SULF1: variants seen among roughly 807,000 people sequenced by gnomAD.
SULF1 encodes the protein extracellular sulfatase Sulf-1.
Under a neutral mutation model 110.5 loss-of-function variants are expected in SULF1, and 46 were observed. The ratio of observed to expected loss-of-function variants is 0.42; its 90% CI spans 0.33 to 0.53. SULF1 has a LOEUF of 0.53. SULF1 is among the 20% of genes least tolerant of loss of function. The pLI, the probability that SULF1 is intolerant of heterozygous loss-of-function variation, is 0.12. For missense variants in SULF1, 941 were observed against 1,094.2 expected, an observed-to-expected ratio of 0.86 and a Z score of 1.98; for synonymous variants, 371 against 387.1, an observed-to-expected ratio of 0.96 and a Z score of 0.49.
At chr8:69,535,694 T>G (rs1813387049) in intron 3 of SULF1, among the ~76,000 whole-genome samples, 1 of 152,060 alleles carries the variant, frequency 6.6e-6, no homozygotes, top group African/African-American at 2.4e-5. Flanking sequence ...TTAGAAAATG[T>G]ATGCCACCTA....
At chr8:69,507,610 CAAAT>C (rs1245552130) in intron 3 of SULF1, among the ~76,000 whole-genome samples, 5 of 152,126 alleles carry the variant, frequency 3.3e-5, no homozygotes, top group African/African-American at 7.2e-5. Flanking sequence ...GGGCTTAAAA[CAAAT>C]AAGCCATTGG....
chr8:69,651,051 C>CTTTTTTTTTT lies in SULF1; in HGVS notation c.2586-7450_2586-7449insTTTTTTTTTT, dbSNP rs111556401. On this transcript the variant is annotated intron_variant, in intron 22 of 22. Coordinates refer to ENST00000402687, the MANE Select transcript of SULF1 (RefSeq NM_001128205.2). ...TCTATCAACATCTATTCTTTTTTTT[C>CTTTTTTTTTT]TTTTCTTTTTTTTTTTTTTTGAGAC... is the stretch of plus-strand genomic sequence containing the variant. Among the ~76,000 whole-genome samples the CTTTTTTTTTT allele has an allele frequency of 4.1e-4, 55 of 134,160 alleles. 1 individual carries two copies. The highest frequency in any genetic ancestry group is 7.1e-4 in the Non-Finnish European group (43 of 60,934). The allele number at this position is 134,160 out of a possible 152,430, so 88.0% of individuals were successfully genotyped here. A position where few individuals can be genotyped will look rare whatever the true frequency, so the allele number is the denominator to read the frequency against.
chr8:69,471,151 A>C (rs12676928), intron 1 of SULF1, among the ~76,000 whole-genome samples: 23,005 of 152,178 alleles, frequency 0.15, 2,303 homozygotes, highest in East Asian at 0.48. Context: ...TTATCTATGG[A>C]TTGCACTTAA....
intron 3 of SULF1, among the ~76,000 whole-genome samples, chr8:69,552,021 G>A (rs1814757833): frequency 6.6e-6 from 1 of 152,182 alleles, no homozygotes; most frequent in African/African-American, 2.4e-5. Context: ...GAACCCACAA[G>A]GTGGAGGTTG....
chr8:69,601,905 G>T, intron 10 of SULF1, 76 bp downstream of exon 10: 1 of 1,425,728 alleles, frequency 7.0e-7, no homozygotes, highest in Non-Finnish European at 9.4e-7. Context: ...ACCAGTCTCA[G>T]TATCTGGTTT....
rs367944551 is a variant in SULF1 at position 69,655,861 on chromosome 8, G to T, written c.2586-2644G>T. 3.3e-4 allele frequency among the ~76,000 whole-genome samples: 50 copies of T among 152,228 alleles called. No individual in the cohort carries two copies. In the South Asian group the frequency reaches 0.01, roughly 31 times the overall value. On this transcript the variant is annotated intron_variant, in intron 22 of 22. Coordinates refer to ENST00000402687, the MANE Select transcript of SULF1 (RefSeq NM_001128205.2). Reference sequence around the variant, plus strand: ...CATTTTTAGTTGCATTATTTCTAGCGTGTCCTATAAAATGCATATATTATT... The same window carrying T: ...CATTTTTAGTTGCATTATTTCTAGCTTGTCCTATAAAATGCATATATTATT...
intron 3 of SULF1, among the ~76,000 whole-genome samples, chr8:69,558,873 G>T (rs559335307): frequency 2.4e-4 from 37 of 151,952 alleles, no homozygotes; most frequent in South Asian, 6.2e-4. Flanking sequence ...TCAAATATTT[G>T]ATTCTTTTGA....
At position 69,576,161 on chromosome 8, in the gene SULF1, G is replaced by A; in HGVS notation, c.364G>A (p.Glu122Lys). ...TTCCCCCTCGTGGCAGGCCATGCATGAGCCTCGGACTTTTGCTGTATATCT... is the reference window on the plus strand; with the variant it reads ...TTCCCCCTCGTGGCAGGCCATGCATAAGCCTCGGACTTTTGCTGTATATCT... ...CSSPSWQAMH[E>K]PRTFAVYLNN... The change falls in exon 6 of 23, where the codon GAG becomes AAG. Residue 122 changes from glutamate to lysine, a missense_variant. Physicochemically the swap from Glu to Lys is moderately conservative, Grantham distance 56 (BLOSUM62 1). Around this residue, in one of 3 missense-constraint regions of SULF1, gnomAD observed 822 missense variants for 934.3 expected, o/e 0.88. Transcript: ENST00000402687. The A allele has an allele frequency of 6.2e-7, 1 of 1,614,198 alleles. No homozygotes were observed. The highest frequency in any genetic ancestry group is 8.5e-7 in the Non-Finnish European group (1 of 1,180,044).
rs1436348954 is a variant in SULF1, at chr8:69,616,228, ATATT to A, written c.1378-4805_1378-4802del. ...TGTGTGTGTATATATATATATATAT[ATATT>A]TTTTTGAGACGGAGTCTTGCTCTGT... is the stretch of plus-strand genomic sequence containing the variant. On this transcript the variant is annotated intron_variant, in intron 13 of 22. Coordinates refer to ENST00000402687, the MANE Select transcript of SULF1 (RefSeq NM_001128205.2). 8.6e-5 allele frequency among the ~76,000 whole-genome samples: 12 copies of A among 140,050 alleles called. No homozygotes were observed. In the South Asian group the frequency reaches 1.8e-3, roughly 21 times the overall value. The allele number at this position is 140,050 out of a possible 152,430, so 91.9% of individuals were successfully genotyped here.
At chr8:69,478,323 C>T (rs1809386560) in intron 1 of SULF1, among the ~76,000 whole-genome samples, 1 of 152,176 alleles carries the variant, frequency 6.6e-6, no homozygotes, top group Admixed American at 6.5e-5. Context: ...ACTGTTTCAT[C>T]ATATCACTCC....
chr8:69,485,132 C>T (rs1191149697), intron 1 of SULF1, among the ~76,000 whole-genome samples: 3 of 152,204 alleles, frequency 2.0e-5, no homozygotes, highest in Admixed American at 2.0e-4. Flanking sequence ...TTCTTCTAAC[C>T]CGTGCTTTCA....
At chr8:69,486,518 G>T (rs1011861672) in intron 1 of SULF1, among the ~76,000 whole-genome samples, 2 of 151,834 alleles carry the variant, frequency 1.3e-5, no homozygotes, top group African/African-American at 2.4e-5. Context: ...AATTTCCTAC[G>T]CTGGTAAAGT....
chr8:69,514,065 A>G (rs1811758053), intron 3 of SULF1, among the ~76,000 whole-genome samples: 2 of 152,168 alleles, frequency 1.3e-5, no homozygotes, highest in Admixed American at 1.3e-4. Flanking sequence ...TGTAACATGG[A>G]GGTGCTCACT....
intron 3 of SULF1, among the ~76,000 whole-genome samples, chr8:69,555,351 T>G (rs1219982877): frequency 6.6e-6 from 1 of 152,076 alleles, no homozygotes; most frequent in Non-Finnish European, 1.5e-5. Flanking sequence ...GCAGTGAACT[T>G]GATGGCATAG....
chr8:69,640,159 GAAAA>G (rs1192765920), intron 21 of SULF1, among the ~76,000 whole-genome samples: 1 of 94,318 alleles, frequency 1.1e-5, no homozygotes, highest in Non-Finnish European at 2.5e-5. Context: ...AAGAAAGAAA[GAAAA>G]AAAGAAAGAA....
chr8:69,536,847 C>A (rs186017140), intron 3 of SULF1, among the ~76,000 whole-genome samples: 2 of 152,210 alleles, frequency 1.3e-5, no homozygotes, highest in African/African-American at 4.8e-5. Flanking sequence ...GTGAGATCAT[C>A]GAAAGCCATG....
chr8:69,535,164 C>T (rs1030788605), intron 3 of SULF1, among the ~76,000 whole-genome samples: 1 of 152,218 alleles, frequency 6.6e-6, no homozygotes, highest in African/African-American at 2.4e-5. Context: ...TTCCCTATCT[C>T]GCTTGGCTTT....
At chr8:69,478,957 T>G (rs1349683773) in intron 1 of SULF1, among the ~76,000 whole-genome samples, 1 of 152,198 alleles carries the variant, frequency 6.6e-6, no homozygotes, top group Non-Finnish European at 1.5e-5. Flanking sequence ...TTTAGGAAAC[T>G]AATCAGCAGC....
intron 6 of SULF1, among the ~76,000 whole-genome samples, chr8:69,583,542 C>G (rs1375093061): frequency 6.6e-6 from 1 of 152,156 alleles, no homozygotes; most frequent in Non-Finnish European, 1.5e-5. Context: ...CCACTGTACT[C>G]TAGCCTGGGC....
Sources: gnomAD v4.1 joint callset for allele counts (sites outside exome capture counted in the v4.1 genomes callset) on GRCh38, gnomAD v4.1.1 for gene constraint, gnomAD v4.1.1 regional missense constraint, MANE v1.5 for transcripts, NCBI Gene and HGNC (gene_info 2026-07-23, HGNC 2026-07-21) for gene names.